The following TNKS variants were observed in gnomAD, a reference collection of about 807,000 sequenced individuals.
TNKS encodes poly [ADP-ribose] polymerase tankyrase-1.
A neutral mutation model predicts 135.8 loss-of-function variants in TNKS; 72 were observed. The ratio of observed to expected loss-of-function variants is 0.53; its 90% CI spans 0.44 to 0.64. The LOEUF (loss-of-function observed/expected upper bound fraction) is 0.64, where lower values mean the gene tolerates loss of function less well. TNKS is among the 30% of genes least tolerant of loss of function. TNKS has a pLI of 0.00. For missense variants in TNKS, 1,769 were observed against 1,674.0 expected (o/e 1.06, Z -0.99); for synonymous variants, 849 against 649.3 (o/e 1.31, Z -4.68).
chr8:9,641,658 A>ATG (rs1236040277), intron 3 of TNKS, among the ~76,000 whole-genome samples: 2 of 143,508 alleles, frequency 1.4e-5, no homozygotes, highest in Non-Finnish European at 3.0e-5. Context: ...TTTTTTTTTT[A>ATG]TGTGTGTGTG....
chr8:9,657,751 C>T (rs1488409128), intron 3 of TNKS, among the ~76,000 whole-genome samples: 26 of 139,414 alleles, frequency 1.9e-4, no homozygotes, highest in African/African-American at 4.0e-4. Context: ...CCTCACCTCC[C>T]GGACGGGGCG....
At position 9,556,278 on chromosome 8, in the gene TNKS, C is replaced by A; in HGVS notation, c.339C>A (p.Ala113=). The change falls in exon 1 of 27, where the codon GCC becomes GCA. Residue 113 remains alanine (A), a synonymous_variant. Transcript: ENST00000310430. ...PVVPAVSTSS[A]AGVAPNPAGS... Reference sequence around the variant, plus strand: ...TCCCAGCGGTTTCTACTTCATCTGCCGCTGGGGTCGCTCCCAACCCAGCCG... The same window carrying A: ...TCCCAGCGGTTTCTACTTCATCTGCAGCTGGGGTCGCTCCCAACCCAGCCG... 1 of 1,614,260 alleles carries A rather than the reference C, an allele frequency of 6.2e-7. No homozygotes were observed. Among genetic ancestry groups the A allele is most frequent in the Non-Finnish European group, 8.5e-7 (1 of 1,180,040 alleles).
At position 9,706,853 on chromosome 8, in the gene TNKS, C is replaced by G; in HGVS notation, c.1312C>G (p.Pro438Ala). 1 of 1,613,670 alleles carries G rather than the reference C, an allele frequency of 6.2e-7. No homozygotes were observed. The highest frequency in any genetic ancestry group is 1.1e-5 in the South Asian group (1 of 90,966). Residue 438 changes from proline (P) to alanine (A), a missense_variant, in exon 8 of 27, where the codon CCA becomes GCA. Transcript: ENST00000310430. The part of the protein sequence containing the change: ...VNAMDLWQFT[P>A]LHEAASKNRV... ...TGCCATGGATCTCTGGCAGTTTACT[C>G]CACTGCACGAGGCTGCTTCCAAGAA...
At chr8:9,658,427 C>T (rs573010163) in intron 3 of TNKS, 77 of 1,202,154 alleles carry the variant, frequency 6.4e-5, no homozygotes, top group East Asian at 5.4e-4. Context: ...GGCGGTCGGG[C>T]GGCGGCGGCT....
chr8:9,746,881 C>CTTTTTTTTTTTTTTTTTTTTTTTTT (rs10672387), intron 17 of TNKS, among the ~76,000 whole-genome samples: 2 of 117,188 alleles, frequency 1.7e-5, no homozygotes, highest in African/African-American at 7.3e-5. Context: ...CCTACTTAAA[C>CTTTTTTTTTTTTTTTTTTTTTTTTT]TTTTTTTTTT....
intron 13 of TNKS, among the ~76,000 whole-genome samples, chr8:9,727,219 A>AT (rs887120660): frequency 1.3e-5 from 2 of 152,106 alleles, no homozygotes; most frequent in African/African-American, 4.8e-5. Flanking sequence ...CAGAAGATAG[A>AT]TTTTTTCCCT....
intron 21 of TNKS, 151 bp downstream of exon 21, chr8:9,761,787 A>C: frequency 1.8e-5 from 14 of 788,080 alleles, no homozygotes; most frequent in African/African-American, 3.7e-5. Context: ...TATTGGCCTC[A>C]TGCTCCCTCT....
intron 18 of TNKS, among the ~76,000 whole-genome samples, chr8:9,750,869 C>T (rs987239486): frequency 1.1e-4 from 16 of 152,224 alleles, no homozygotes; most frequent in Non-Finnish European, 2.2e-4. Flanking sequence ...CCTTTCATCC[C>T]GCAGGGCTCT....
Position 9,780,273 on chromosome 8 carries a change from G to C in TNKS, c.*3537G>C, listed in dbSNP as rs1808402513. The C allele has an allele frequency of 6.7e-6, 1 of 150,304 alleles. No homozygotes were observed. The highest frequency in any genetic ancestry group is 2.1e-4 in the South Asian group (1 of 4,776). The allele number at this position is 150,304 out of a possible 1,614,324, so 9.3% of individuals were successfully genotyped here. On this transcript the variant is annotated 3_prime_UTR_variant, in exon 27 of 27. Transcript: ENST00000310430. ...AAACAGAAGTGGTGTGTATTTTCAA[G>C]CACCTTTCCCCCATTGTATCCGAAT...
At chr8:9,654,996 G>C (rs919490519) in intron 3 of TNKS, among the ~76,000 whole-genome samples, 4 of 152,188 alleles carry the variant, frequency 2.6e-5, no homozygotes, top group African/African-American at 9.7e-5. Flanking sequence ...CCCTTTCCTA[G>C]TCAAAGAAAG....
At chr8:9,726,845 G>A in intron 13 of TNKS, 125 bp downstream of exon 13, 1 of 752,394 alleles carries the variant, frequency 1.3e-6, no homozygotes, top group South Asian at 1.9e-5. Context: ...TCATGGGCAG[G>A]AAAAATCTGT....
intron 3 of TNKS, among the ~76,000 whole-genome samples, chr8:9,631,610 C>T (rs921501991): frequency 6.6e-6 from 1 of 152,150 alleles, no homozygotes; most frequent in Non-Finnish European, 1.5e-5. Context: ...GAGATCATCT[C>T]ATTCATTCTA....
intron 5 of TNKS, among the ~76,000 whole-genome samples, chr8:9,702,756 C>T (rs1761935413): frequency 6.6e-6 from 1 of 152,212 alleles, no homozygotes; most frequent in Admixed American, 6.5e-5. Flanking sequence ...TGGCTCACGC[C>T]TGTAATCCCA....
intron 25 of TNKS, among the ~76,000 whole-genome samples, chr8:9,769,622 T>C (rs991461288): frequency 4.4e-5 from 6 of 136,140 alleles, no homozygotes; most frequent in East Asian, 4.1e-4. Flanking sequence ...CTTTTTTTTT[T>C]TTTTTTTTTT....
At chr8:9,610,496 T>G (rs1585227782) in intron 2 of TNKS, among the ~76,000 whole-genome samples, 1 of 152,074 alleles carries the variant, frequency 6.6e-6, no homozygotes, top group East Asian at 1.9e-4. Flanking sequence ...ATAGTTTGTC[T>G]CTTAAAGCTC....
intron 3 of TNKS, among the ~76,000 whole-genome samples, chr8:9,652,169 A>T (rs2128781595): frequency 6.6e-6 from 1 of 152,332 alleles, no homozygotes; most frequent in Admixed American, 6.5e-5. Context: ...AATATTAAGA[A>T]CTATCAGATA....
At chr8:9,638,353 A>G (rs1360984200) in intron 3 of TNKS, among the ~76,000 whole-genome samples, 2 of 152,360 alleles carry the variant, frequency 1.3e-5, no homozygotes, top group African/African-American at 4.8e-5. Context: ...TAGTTAAAGT[A>G]TACCTTGGGC....
chr8:9,697,809 A>G (rs1487472213), intron 5 of TNKS, among the ~76,000 whole-genome samples: 2 of 152,204 alleles, frequency 1.3e-5, no homozygotes, highest in Non-Finnish European at 2.9e-5. Flanking sequence ...ATTTGCAGAG[A>G]AAAAGCAATG....
chr8:9,754,470 T>C (rs1306492433), intron 20 of TNKS, among the ~76,000 whole-genome samples: 2 of 152,196 alleles, frequency 1.3e-5, no homozygotes, highest in African/African-American at 4.8e-5. Context: ...TTTTTTCTTA[T>C]TTATATCAAT....
Sources: allele counts gnomAD v4.1 joint callset (sites outside exome capture counted in the v4.1 genomes callset), GRCh38; gene constraint gnomAD v4.1.1; transcripts MANE v1.5; gene names NCBI Gene and HGNC (gene_info 2026-07-23, HGNC 2026-07-21).